The following GCNT2 variants were observed in gnomAD, a reference collection of about 807,000 sequenced individuals.
The protein encoded by GCNT2 is glucosaminyl (N-acetyl) transferase 2 (I blood group).
GCNT2 carries 34 observed loss-of-function variants against 34.2 expected under a neutral mutation model. That is an observed-to-expected ratio of 1.00 (90% confidence interval 0.76 to 1.32). The LOEUF is 1.32. Among genes scored for constraint, GCNT2 ranks in the 40% most tolerant of loss-of-function variants. The probability of loss-of-function intolerance (pLI) is 0.00; values close to 1 mark genes in which losing one functional copy is unlikely to be tolerated. For missense variants in GCNT2, 584 were observed against 489.4 expected (o/e 1.19, Z -1.82); for synonymous variants, 212 against 188.0 (o/e 1.13, Z -1.04).
At chr6:10,582,510 CAT>C (rs1052940586) in intron 3 of GCNT2, among the ~76,000 whole-genome samples, 10 of 99,182 alleles carry the variant, frequency 1.0e-4, no homozygotes, top group South Asian at 2.6e-4. Context: ...TATAATACAT[CAT>C]ATATTATATT....
At chr6:10,544,903 C>G (rs974773911) in intron 3 of GCNT2, among the ~76,000 whole-genome samples, 1 of 151,700 alleles carries the variant, frequency 6.6e-6, no homozygotes, top group Non-Finnish European at 1.5e-5. Flanking sequence ...TGAGATTGTG[C>G]CACTGCACCC....
intron 3 of GCNT2, among the ~76,000 whole-genome samples, chr6:10,570,762 C>CCCAA (rs1478561482): frequency 6.6e-6 from 1 of 152,158 alleles, no homozygotes; most frequent in Non-Finnish European, 1.5e-5. Context: ...AACTACTGTC[C>CCCAA]CCAAGACCCT....
At chr6:10,617,848 A>C (rs555114042) in intron 3 of GCNT2, among the ~76,000 whole-genome samples, 1 of 145,042 alleles carries the variant, frequency 6.9e-6, no homozygotes, top group South Asian at 2.2e-4. Context: ...TCCACCTCCC[A>C]GGTTCAAACA....
intron 4 of GCNT2, among the ~76,000 whole-genome samples, 193 bp from the exon 5 acceptor site, chr6:10,626,224 A>G (rs1766248151): frequency 6.6e-6 from 1 of 152,194 alleles, no homozygotes; most frequent in Non-Finnish European, 1.5e-5. Context: ...CAAATAACAT[A>G]TTTGTACCTC....
chr6:10,554,337 C>T (rs908567964), intron 3 of GCNT2, among the ~76,000 whole-genome samples: 1 of 152,200 alleles, frequency 6.6e-6, no homozygotes, highest in South Asian at 2.1e-4. Flanking sequence ...TTTCAACACA[C>T]AATGCCATTT....
At chr6:10,599,051 G>GA (rs1390640136) in intron 3 of GCNT2, among the ~76,000 whole-genome samples, 1 of 152,084 alleles carries the variant, frequency 6.6e-6, no homozygotes, top group African/African-American at 2.4e-5. Context: ...TAAGGTGCTA[G>GA]AAAAAATGCA....
At chr6:10,608,436 A>G (rs905291247) in intron 3 of GCNT2, among the ~76,000 whole-genome samples, 5 of 152,106 alleles carry the variant, frequency 3.3e-5, no homozygotes, top group African/African-American at 1.2e-4. Flanking sequence ...CAAAAATTGT[A>G]CCAATTTATA....
chr6:10,556,685 A>G (rs1762722575), intron 3 of GCNT2: 3 of 1,614,040 alleles, frequency 1.9e-6, no homozygotes, highest in Non-Finnish European at 1.7e-6. Flanking sequence ...CCCTTTATCT[A>G]AGGAAGAAGC....
At chr6:10,555,462 G>A (rs963449234) in intron 3 of GCNT2, among the ~76,000 whole-genome samples, 6 of 152,046 alleles carry the variant, frequency 3.9e-5, no homozygotes, top group Admixed American at 6.6e-5. Flanking sequence ...TCTCTGGGGG[G>A]GTTAAAGCCT....
At chr6:10,607,741 T>G (rs1051814855) in intron 3 of GCNT2, among the ~76,000 whole-genome samples, 1 of 152,202 alleles carries the variant, frequency 6.6e-6, no homozygotes, top group African/African-American at 2.4e-5. Flanking sequence ...TTAATAAAAT[T>G]GATAATTAAT....
chr6:10,525,778 GC>G (rs1761153014), intron 1 of GCNT2, among the ~76,000 whole-genome samples: 1 of 152,174 alleles, frequency 6.6e-6, no homozygotes, highest in South Asian at 2.1e-4. Flanking sequence ...GCTTGTACTT[GC>G]AGCAGAGCAC....
chr6:10,584,355 A>G (rs1764247664), intron 3 of GCNT2, among the ~76,000 whole-genome samples: 2 of 152,218 alleles, frequency 1.3e-5, no homozygotes, highest in Admixed American at 1.3e-4. Flanking sequence ...ACCTGTATCC[A>G]TAAGGCGATT....
At chr6:10,602,349 A>G (rs898981567) in intron 3 of GCNT2, among the ~76,000 whole-genome samples, 1 of 152,170 alleles carries the variant, frequency 6.6e-6, no homozygotes, top group Non-Finnish European at 1.5e-5. Context: ...TCCTGACTGC[A>G]TTAATTATGT....
intron 3 of GCNT2, among the ~76,000 whole-genome samples, chr6:10,605,387 C>CGA (rs1765265340): frequency 2.3e-5 from 3 of 128,226 alleles, no homozygotes; most frequent in East Asian, 4.7e-4. Context: ...TTTTTTTTTT[C>CGA]TTTGTAGAGA....
chr6:10,546,778 A>G (rs1306281593), intron 3 of GCNT2, among the ~76,000 whole-genome samples: 1 of 152,226 alleles, frequency 6.6e-6, no homozygotes, highest in African/African-American at 2.4e-5. Flanking sequence ...TGAAAGCAGT[A>G]TATCCTTATT....
rs1422451673 is a variant in GCNT2, at chr6:10,629,060, G to T, written c.*2453G>T. On this transcript the variant is annotated 3_prime_UTR_variant, in exon 5 of 5. Coordinates refer to ENST00000495262, the MANE Select transcript of GCNT2 (RefSeq NM_145649.5). ...TGAGGGGATAGCGAATGCACTCAGG[G>T]TCAGCAGTGGAGTTTAAAAATTGTC... 6.6e-6 allele frequency: 1 copy of T among 152,624 alleles called. No individual in the cohort carries two copies. The highest frequency in any genetic ancestry group is 1.5e-5 in the Non-Finnish European group (1 of 68,034). The allele number at this position is 152,624 out of a possible 1,614,324, so 9.5% of individuals were successfully genotyped here. A position where few individuals can be genotyped will look rare whatever the true frequency, so the allele number is the denominator to read the frequency against.
At chr6:10,544,666 G>A (rs1011227876) in intron 3 of GCNT2, among the ~76,000 whole-genome samples, 2 of 151,382 alleles carry the variant, frequency 1.3e-5, no homozygotes, top group Non-Finnish European at 2.9e-5. Context: ...AAATGGGGCC[G>A]GGCATGATGG....
intron 3 of GCNT2, among the ~76,000 whole-genome samples, chr6:10,551,719 G>A (rs1044916762): frequency 6.8e-5 from 10 of 146,318 alleles, no homozygotes; most frequent in African/African-American, 2.3e-4. Flanking sequence ...CTGGGATTAC[G>A]GGCATGAGCC....
rs1399265578 is a variant in GCNT2, at chr6:10,529,777, G to T, written c.866G>T (p.Trp289Leu). ...CAGCTCGCACTTGACTTACTCTCCT[G>T]GTCCAAGGACACCTACAGCCCCGAC... ...QDQLALDLLS[W>L]SKDTYSPDEH... Residue 289 changes from tryptophan to leucine, a missense_variant, in exon 3 of 5, where the codon TGG becomes TTG. By Grantham distance (61) the Trp-to-Leu change is moderately conservative. Coordinates refer to ENST00000495262, the MANE Select transcript of GCNT2 (RefSeq NM_145649.5). The T allele has an allele frequency of 1.2e-6, 2 of 1,613,942 alleles. No individual in the cohort carries two copies. Among genetic ancestry groups the T allele is most frequent in the Admixed American group, 1.7e-5 (1 of 59,988 alleles).
Sources: allele counts gnomAD v4.1 joint callset (sites outside exome capture counted in the v4.1 genomes callset), GRCh38; gene constraint gnomAD v4.1.1; transcripts MANE v1.5; gene names NCBI Gene and HGNC (gene_info 2026-07-23, HGNC 2026-07-21).